Variants in RBPMS2 observed in about 807,000 individuals in gnomAD.
RBPMS2 encodes RNA binding protein, mRNA processing factor 2, also known as RNA-binding protein with multiple splicing 2.
A neutral mutation model predicts 25.7 loss-of-function variants in RBPMS2; 14 were observed. The observed-to-expected ratio is 0.55, with a 90% CI of 0.36 to 0.85. RBPMS2 has a LOEUF of 0.85. RBPMS2 is among the 40% of genes least tolerant of loss of function. The pLI is 0.01. For missense variants in RBPMS2, 252 were observed against 283.4 expected (o/e 0.89, Z 0.80); for synonymous variants, 127 against 115.6 (o/e 1.10, Z -0.63).
chr15:64,742,334 A>C (rs915104976), intron 6 of RBPMS2, among the ~76,000 whole-genome samples: 7 of 152,140 alleles, frequency 4.6e-5, no homozygotes, highest in African/African-American at 1.7e-4. Flanking sequence ...CTCCATCACA[A>C]GCCTCTAAGT....
rs767138960 is a variant in RBPMS2 at position 64,772,799 on chromosome 15, TACC to T, written c.87+2431_87+2433del. ...ATTTTATCTATCATTGCATTTCACC[TACC>T]ACCACTTCCTGGCAAGTCCTTCCGA... On this transcript the variant is annotated intron_variant, in intron 1 of 7. Transcript: ENST00000300069. Among the ~76,000 whole-genome samples, 4 of 152,158 alleles carry T rather than the reference TACC, an allele frequency of 2.6e-5. No individual in the cohort carries two copies. In the East Asian group the frequency reaches 7.7e-4, roughly 29 times the overall value.
At chr15:64,759,389 G>A in intron 1 of RBPMS2, among the ~76,000 whole-genome samples, 1 of 152,196 alleles carries the variant, frequency 6.6e-6, no homozygotes, top group African/African-American at 2.4e-5. Flanking sequence ...GAAGGTGTGA[G>A]CTGCAAGCTG....
chr15:64,775,433 G>A lies in RBPMS2; in HGVS notation c.-114C>T. ...CGCTCGCGGGTGCGGAGCGGGTGGC[G>A]GGGGACCCACGGGGCAGTGAGAGGG... On this transcript the variant is annotated 5_prime_UTR_variant, in exon 1 of 8. Coordinates refer to ENST00000300069, the MANE Select transcript of RBPMS2 (RefSeq NM_194272.3). The A allele has an allele frequency of 2.3e-6, 1 of 437,476 alleles. No homozygotes were observed. The highest frequency in any genetic ancestry group is 3.7e-6 in the Non-Finnish European group (1 of 273,182). 27.1% of individuals were successfully genotyped at this position (437,476 alleles called of 1,614,324 possible).
At chr15:64,762,414 G>A (rs1417612224) in intron 1 of RBPMS2, 1 of 534,734 alleles carries the variant, frequency 1.9e-6, no homozygotes, top group South Asian at 1.4e-5. Context: ...GAGCACACGA[G>A]CTGCAGCCTA....
At position 64,775,266 on chromosome 15, in the gene RBPMS2, G is replaced by C. The variant is rs1245610502; in HGVS notation, c.54C>G (p.Ser18=). 7.5e-7 allele frequency: 1 copy of C among 1,340,116 alleles called. No homozygotes were observed. The highest frequency in any genetic ancestry group is 1.8e-5 in the South Asian group (1 of 55,850). The allele number at this position is 1,340,116 out of a possible 1,614,324, so 83.0% of individuals were successfully genotyped here. A position where few individuals can be genotyped will look rare whatever the true frequency, so the allele number is the denominator to read the frequency against. ...CCAGGGCGCCGCCGGAGCCCGCGCCGGAGCCGGTGCCGGTGCTGCCGCCGT... is the reference window on the plus strand; with the variant it reads ...CCAGGGCGCCGCCGGAGCCCGCGCCCGAGCCGGTGCCGGTGCTGCCGCCGT... ...GEHGGSTGTG[S]GAGSGGALEE... The change falls in exon 1 of 8, where the codon TCC becomes TCG. Residue 18 remains serine, a synonymous_variant. Transcript: ENST00000300069.
chr15:64,750,486 A>G (rs1013659352), intron 2 of RBPMS2, 105 bp from the exon 3 acceptor site: 28 of 973,154 alleles, frequency 2.9e-5, no homozygotes, highest in Admixed American at 5.2e-5. Context: ...TCATTCTCAC[A>G]CCCTTCTCCC....
At chr15:64,773,395 G>A (rs545917381) in intron 1 of RBPMS2, among the ~76,000 whole-genome samples, 7 of 152,298 alleles carry the variant, frequency 4.6e-5, no homozygotes, top group African/African-American at 1.4e-4. Flanking sequence ...CTTTGTTCTG[G>A]ACCTCTGCTA....
chr15:64,741,161 G>C lies in RBPMS2; in HGVS notation c.*7+12C>G. On this transcript the variant is annotated intron_variant, in intron 7 of 7. Transcript: ENST00000300069. ...AGGACACTTGTCCTGGGCCTCTGGG[G>C]CCAACACTTACTGAAAAACTAACAG... 1 of 1,561,416 alleles carries C rather than the reference G, an allele frequency of 6.4e-7. No individual in the cohort carries two copies. The highest frequency in any genetic ancestry group is 2.4e-5 in the East Asian group (1 of 42,310).
chr15:64,759,118 T>C (rs547726661), intron 1 of RBPMS2, among the ~76,000 whole-genome samples: 15 of 151,878 alleles, frequency 9.9e-5, no homozygotes, highest in Middle Eastern at 3.4e-3. Context: ...TCTCCCCACC[T>C]CCCCGGGAGG....
chr15:64,762,591 C>T (rs936881338), intron 1 of RBPMS2: 10 of 490,526 alleles, frequency 2.0e-5, no homozygotes, highest in African/African-American at 6.0e-5. Flanking sequence ...TACCCACTGA[C>T]GAGATTCCAA....
chr15:64,760,458 G>T (rs192661319), intron 1 of RBPMS2, among the ~76,000 whole-genome samples: 1 of 152,292 alleles, frequency 6.6e-6, no homozygotes, highest in African/African-American at 2.4e-5. Context: ...ACAGTGGTAG[G>T]CTCAGGGATA....
At chr15:64,760,835 T>C (rs1239764492) in intron 1 of RBPMS2, among the ~76,000 whole-genome samples, 1 of 149,592 alleles carries the variant, frequency 6.7e-6, no homozygotes, top group East Asian at 2.0e-4. Context: ...CAGACCCTTC[T>C]CCACCAAGGA....
chr15:64,775,305 C>A lies in RBPMS2; in HGVS notation c.15G>T (p.Lys5Asn), dbSNP rs1445004109. MSNL[K>N]PDGEHGGSTG... ...TGCTGCCGCCGTGCTCGCCGTCCGG[C>A]TTCAGGTTGCTCATGGTGCGGGGGA... Residue 5 changes from lysine to asparagine, a missense_variant, in exon 1 of 8, where the codon AAG (lysine) becomes AAT (asparagine). Physicochemically the swap from Lys to Asn is moderately conservative, Grantham distance 94. Coordinates refer to ENST00000300069, the MANE Select transcript of RBPMS2 (RefSeq NM_194272.3). 7 of 1,346,896 alleles carry A rather than the reference C, an allele frequency of 5.2e-6. No homozygotes were observed. The highest frequency in any genetic ancestry group is 6.7e-6 in the Non-Finnish European group (7 of 1,043,084). 83.4% of individuals were successfully genotyped at this position (1,346,896 alleles called of 1,614,324 possible). A position where few individuals can be genotyped will look rare whatever the true frequency, so the allele number is the denominator to read the frequency against.
intron 1 of RBPMS2, among the ~76,000 whole-genome samples, chr15:64,759,760 C>A (rs1398845511): frequency 6.6e-6 from 1 of 152,162 alleles, no homozygotes; most frequent in African/African-American, 2.4e-5. Context: ...GCAACCTCTA[C>A]TTCCCGTGTT....
At chr15:64,750,259 A>G in intron 3 of RBPMS2, 84 bp downstream of exon 3, 2 of 1,210,882 alleles carry the variant, frequency 1.7e-6, no homozygotes, top group Non-Finnish European at 2.5e-6. Context: ...ATGCCTCTAG[A>G]TTAGGGAAGG....
rs1316637703 is a variant in RBPMS2 at position 64,749,455 on chromosome 15, T to C, written c.243A>G (p.Ala81=). 1.1e-5 allele frequency: 18 copies of C among 1,613,702 alleles called. No homozygotes were observed. Among genetic ancestry groups the C allele is most frequent in the Non-Finnish European group, 1.4e-5 (17 of 1,179,952 alleles). Residue 81 remains alanine (A), a synonymous_variant, in exon 4 of 8, where the codon GCA becomes GCG. Transcript: ENST00000300069. ...GFVIFDSRAG[A]EAAKNALNGI... is the part of the protein sequence containing the mutation. The stretch of plus-strand genomic sequence containing the variant: ...CGTTCAGCGCATTCTTGGCCGCTTC[T>C]GCTCCTGCACGGCTGTCAAAGATCA...
chr15:64,745,717 A>G lies in RBPMS2; in HGVS notation c.567+2702T>C, dbSNP rs76787799. Among the ~76,000 whole-genome samples, 1,422 of 152,264 alleles carry G rather than the reference A, an allele frequency of 9.3e-3. 21 individuals are homozygous for G. The highest frequency in any genetic ancestry group is 0.032 in the African/African-American group (1,336 of 41,550). Reference sequence around the variant, plus strand: ...CCTCTTTAAGGGGAAGATTCTATCAAGAGGGTTAGAAGGCCAGGCAAGGTA... The same window carrying G: ...CCTCTTTAAGGGGAAGATTCTATCAGGAGGGTTAGAAGGCCAGGCAAGGTA... On this transcript the variant is annotated intron_variant, in intron 6 of 7. Transcript: ENST00000300069.
chr15:64,746,444 T>A (rs1595785195), intron 6 of RBPMS2, among the ~76,000 whole-genome samples: 1 of 152,234 alleles, frequency 6.6e-6, no homozygotes, highest in African/African-American at 2.4e-5. Flanking sequence ...CATGCCATCA[T>A]GCGAACAACA....
chr15:64,748,476 G>A lies in RBPMS2; in HGVS notation c.510C>T (p.Ser170=). The A allele has an allele frequency of 9.9e-6, 16 of 1,614,124 alleles. No individual in the cohort carries two copies. Among genetic ancestry groups the A allele is most frequent in the Non-Finnish European group, 1.4e-5 (16 of 1,179,994 alleles). ...LYTTELTPAI[S]HAAFTYPTAT... ...CAGTTGGGTAGGTGAACGCAGCATG[G>A]GAGATGGCTGGGGTCAGCTCTGTGG... The change falls in exon 6 of 8, where the codon TCC becomes TCT. Residue 170 remains serine (S), a synonymous_variant. Transcript: ENST00000300069.
Sources: gnomAD v4.1 joint callset for allele counts (sites outside exome capture counted in the v4.1 genomes callset) on GRCh38, gnomAD v4.1.1 for gene constraint, MANE v1.5 for transcripts, NCBI Gene and HGNC (gene_info 2026-07-23, HGNC 2026-07-21) for gene names.